SOX5: variants seen among roughly 807,000 people sequenced by gnomAD.
The protein encoded by SOX5 is transcription factor SOX-5.
SOX5 carries 9 observed loss-of-function variants against 92.0 expected under a neutral mutation model. The ratio of observed to expected loss-of-function variants is 0.10; its 90% CI spans 0.06 to 0.17. The LOEUF (loss-of-function observed/expected upper bound fraction) is 0.17, where lower values mean the gene tolerates loss of function less well. SOX5 is among the 10% of genes least tolerant of loss of function. SOX5 has a pLI of 1.00. For missense variants in SOX5, 642 were observed against 944.5 expected (o/e 0.68, Z 4.20); for synonymous variants, 344 against 336.3 (o/e 1.02, Z -0.25).
At chr12:23,911,531 G>A (rs1008211324) in intron 1 of SOX5, among the ~76,000 whole-genome samples, 1 of 151,830 alleles carries the variant, frequency 6.6e-6, no homozygotes, top group African/African-American at 2.4e-5. Flanking sequence ...TTGCATTTTT[G>A]TTACTGTAAA....
At chr12:24,350,200 T>G (rs916243969) in intron 2 of SOX5, among the ~76,000 whole-genome samples, 1 of 152,376 alleles carries the variant, frequency 6.6e-6, no homozygotes, top group Non-Finnish European at 1.5e-5. Flanking sequence ...AAGGCTCTTG[T>G]TTGTTCCTTC....
intron 4 of SOX5, among the ~76,000 whole-genome samples, chr12:24,115,199 C>T (rs1052898749): frequency 1.3e-5 from 2 of 151,940 alleles, no homozygotes; most frequent in African/African-American, 4.8e-5. Flanking sequence ...TTAAAACAAC[C>T]CACAGATTAG....
Position 24,359,990 on chromosome 12 carries a change from A to G in SOX5, c.-174+8573T>C, listed in dbSNP as rs991223268. 2.0e-5 allele frequency among the ~76,000 whole-genome samples: 3 copies of G among 152,250 alleles called. No homozygotes were observed. In the East Asian group the frequency reaches 5.8e-4, roughly 29 times the overall value. ...AGGATTAGTGGAATTGTATAGAGAA[A>G]GAAAAGGAAGAAAAGAAAAAGGATG... On this transcript the variant is annotated intron_variant, in intron 2 of 4. Coordinates refer to the SOX5 transcript ENST00000446891.
intron 4 of SOX5, among the ~76,000 whole-genome samples, chr12:24,112,341 T>G (rs1947455162): frequency 6.6e-6 from 1 of 152,088 alleles, no homozygotes; most frequent in East Asian, 1.9e-4. Flanking sequence ...TATAGCTACA[T>G]TCATGCTGTA....
At position 23,600,560 on chromosome 12, in the gene SOX5, C is replaced by T. The variant is rs1413675885; in HGVS notation, c.1164+3827G>A. Among the ~76,000 whole-genome samples the T allele has an allele frequency of 1.5e-3, 51 of 33,042 alleles. 2 individuals carry two copies. Among genetic ancestry groups the T allele is most frequent in the Non-Finnish European group, 2.0e-3 (31 of 15,154 alleles). 21.7% of individuals were successfully genotyped at this position (33,042 alleles called of 152,430 possible). ...ATATATATATATATATATACACATA[C>T]TTGGCTTGGGACTAAAAAAACCAAG... On this transcript the variant is annotated intron_variant, in intron 9 of 14. Transcript: ENST00000451604.
intron 4 of SOX5, among the ~76,000 whole-genome samples, chr12:24,108,754 T>A (rs139954759): frequency 1.5e-3 from 227 of 152,308 alleles, no homozygotes; most frequent in Non-Finnish European, 2.7e-3. Flanking sequence ...TACCAGTGTT[T>A]AAGTCCTTTA....
intron 4 of SOX5, among the ~76,000 whole-genome samples, chr12:24,198,191 C>T (rs1298009032): frequency 6.6e-6 from 1 of 151,936 alleles, no homozygotes; most frequent in Non-Finnish European, 1.5e-5. Context: ...GGAACACAGA[C>T]CTATTACCAC....
At chr12:24,010,988 C>T (rs887985694) in intron 4 of SOX5, among the ~76,000 whole-genome samples, 1 of 151,582 alleles carries the variant, frequency 6.6e-6, no homozygotes, top group Non-Finnish European at 1.5e-5. Flanking sequence ...GGTTTAGATG[C>T]CAAAGAGACC....
chr12:23,993,816 G>T (rs1950773607), intron 4 of SOX5, among the ~76,000 whole-genome samples: 2 of 152,034 alleles, frequency 1.3e-5, no homozygotes, highest in African/African-American at 4.8e-5. Flanking sequence ...TTGAGTCCAG[G>T]AATACTGAGA....
intron 3 of SOX5, among the ~76,000 whole-genome samples, chr12:24,232,399 G>T (rs1462368183): frequency 6.6e-6 from 1 of 152,146 alleles, no homozygotes; most frequent in African/African-American, 2.4e-5. Flanking sequence ...CACACTTATG[G>T]CTGTAAAGAT....
intron 2 of SOX5, among the ~76,000 whole-genome samples, chr12:23,894,890 T>C (rs945560933): frequency 1.3e-5 from 2 of 152,188 alleles, no homozygotes; most frequent in Non-Finnish European, 2.9e-5. Flanking sequence ...ACTAACATCC[T>C]TAAAGTAGAA....
chr12:24,331,426 A>C (rs1595662966), intron 2 of SOX5: 1 of 152,186 alleles, frequency 6.6e-6, no homozygotes, highest in African/African-American at 2.4e-5. Context: ...CAACAAAAGC[A>C]CTTTGGAATT....
At chr12:24,360,617 G>A (rs1216493627) in intron 2 of SOX5, among the ~76,000 whole-genome samples, 1 of 152,102 alleles carries the variant, frequency 6.6e-6, no homozygotes, top group Non-Finnish European at 1.5e-5. Flanking sequence ...GAGGTTTTTT[G>A]TCTGAGTACT....
intron 4 of SOX5, among the ~76,000 whole-genome samples, chr12:24,026,724 C>A (rs1954933199): frequency 6.6e-6 from 1 of 150,958 alleles, no homozygotes; most frequent in African/African-American, 2.4e-5. Context: ...TTCTCCATAG[C>A]AAATCTGCAA....
intron 4 of SOX5, among the ~76,000 whole-genome samples, chr12:24,204,987 C>T (rs1211822267): frequency 6.6e-6 from 1 of 152,122 alleles, no homozygotes; most frequent in Non-Finnish European, 1.5e-5. Context: ...AAAAAAATCA[C>T]TCTTGGAAAA....
At chr12:24,474,213 T>C (rs1252257727) in intron 1 of SOX5, among the ~76,000 whole-genome samples, 1 of 152,216 alleles carries the variant, frequency 6.6e-6, no homozygotes, top group Non-Finnish European at 1.5e-5. Flanking sequence ...TTGTCATATA[T>C]AAAACTTATT....
chr12:24,254,509 T>C (rs1273019039), intron 3 of SOX5, among the ~76,000 whole-genome samples: 1 of 151,954 alleles, frequency 6.6e-6, no homozygotes, highest in African/African-American at 2.4e-5. Flanking sequence ...AAAAAAATCA[T>C]CTAATACAAA....
intron 1 of SOX5, among the ~76,000 whole-genome samples, chr12:24,410,935 C>T (rs11535970): frequency 0.24 from 36,965 of 151,856 alleles, 5,893 homozygotes; most frequent in East Asian, 0.66. Context: ...TTGAGTGTTC[C>T]AGTCCATGAA....
chr12:23,931,599 T>C (rs1248803043), intron 1 of SOX5, among the ~76,000 whole-genome samples: 1 of 151,698 alleles, frequency 6.6e-6, no homozygotes, highest in African/African-American at 2.4e-5. Flanking sequence ...AGCAGAATAG[T>C]AGAGTTAAAA....
Sources: gnomAD v4.1 joint callset for allele counts (sites outside exome capture counted in the v4.1 genomes callset) on GRCh38, gnomAD v4.1.1 for gene constraint, MANE v1.5 for transcripts, NCBI Gene and HGNC (gene_info 2026-07-23, HGNC 2026-07-21) for gene names.